The following PCDH11X variants were observed in gnomAD, a reference collection of about 807,000 sequenced individuals.
The protein encoded by PCDH11X is protocadherin 11 X-linked.
A neutral mutation model predicts 53.3 loss-of-function variants in PCDH11X; 18 were observed. The observed-to-expected ratio is 0.34, with a 90% CI of 0.23 to 0.50. The LOEUF is 0.50. Among genes scored for constraint, PCDH11X ranks in the 20% least tolerant of loss-of-function variants. PCDH11X has a pLI of 0.98. For missense variants in PCDH11X, 570 were observed against 1,032.4 expected, an observed-to-expected ratio of 0.55 and a Z score of 6.14; for synonymous variants, 279 against 393.3, an observed-to-expected ratio of 0.71 and a Z score of 3.44.
At chrX:91,989,334 G>A (rs1410264286) in intron 6 of PCDH11X, among the ~76,000 whole-genome samples, 4 of 111,197 alleles carry the variant, frequency 3.6e-5, no homozygotes, top group East Asian at 2.8e-4. Flanking sequence ...AGGCCGAGGC[G>A]GGCAGATCAC....
At chrX:92,371,096 C>A (rs1042336145) in intron 8 of PCDH11X, among the ~76,000 whole-genome samples, 14 of 111,523 alleles carry the variant, frequency 1.3e-4, no homozygotes, top group African/African-American at 4.6e-4. Flanking sequence ...TATTTGTGTT[C>A]TTACTTCTAA....
At chrX:92,360,020 C>A (rs977989980) in intron 8 of PCDH11X, among the ~76,000 whole-genome samples, 8 of 110,850 alleles carry the variant, frequency 7.2e-5, no homozygotes, top group Admixed American at 2.9e-4. Flanking sequence ...TTGTTAGCAT[C>A]CTTATTTTCT....
chrX:92,132,118 A>G (rs2064984194), intron 6 of PCDH11X, among the ~76,000 whole-genome samples: 1 of 82,250 alleles, frequency 1.2e-5, no homozygotes, highest in South Asian at 6.0e-4. Context: ...CTAAAAATAC[A>G]AAAAAAAAAA....
At chrX:92,214,699 T>A (rs1180368482) in intron 7 of PCDH11X, among the ~76,000 whole-genome samples, 1 of 111,038 alleles carries the variant, frequency 9.0e-6, no homozygotes, top group Admixed American at 9.6e-5. Flanking sequence ...TAGGTTTCCA[T>A]GGCCAAACTA....
intron 8 of PCDH11X, among the ~76,000 whole-genome samples, chrX:92,277,840 G>A (rs2068141739): frequency 9.0e-6 from 1 of 111,056 alleles, no homozygotes; most frequent in South Asian, 3.8e-4. Context: ...CCCCAGAAAA[G>A]CAGAGAAGAG....
chrX:92,556,043 G>C (rs2075040950), intron 10 of PCDH11X, among the ~76,000 whole-genome samples: 1 of 110,023 alleles, frequency 9.1e-6, no homozygotes, highest in Admixed American at 9.8e-5. Context: ...AAAACTATCA[G>C]ATCTTGTGAG....
chrX:92,396,717 C>A lies in PCDH11X; in HGVS notation c.3343+8784C>A, dbSNP rs367571137. Among the ~76,000 whole-genome samples the A allele has an allele frequency of 1.9e-4, 19 of 102,125 alleles. 1 individual carries two copies. The South Asian group carries it at 8.1e-3, about 44-fold the overall frequency. The allele number at this position is 102,125 out of a possible 115,157, so 88.7% of individuals were successfully genotyped here. The stretch of plus-strand genomic sequence containing the variant: ...AATTAGCTGGGCATGATGGTGGGTG[C>A]CTGTAATCCCAGCTACTTGGGAGGC... On this transcript the variant is annotated intron_variant, in intron 9 of 10. Transcript: ENST00000682573.
chrX:92,381,747 T>C (rs1355655761), intron 8 of PCDH11X, among the ~76,000 whole-genome samples: 3 of 111,756 alleles, frequency 2.7e-5, no homozygotes, highest in Non-Finnish European at 3.8e-5. Flanking sequence ...GTTGTGTAAC[T>C]ATGGCAAAGG....
rs769418591 is a variant in PCDH11X at position 91,801,598 on chromosome X, A to C, written c.-378-7868A>C. Among the ~76,000 whole-genome samples the C allele has an allele frequency of 8.7e-4, 98 of 112,542 alleles. 1 individual carries two copies. The highest frequency in any genetic ancestry group is 3.1e-3 in the African/African-American group (95 of 31,083). Reference sequence around the variant, plus strand: ...AACACTTTATACACAAAGTGAATTCATATAGATAAATTACATATTTTAAAA... The same window carrying C: ...AACACTTTATACACAAAGTGAATTCCTATAGATAAATTACATATTTTAAAA... On this transcript the variant is annotated intron_variant, in intron 1 of 10. Transcript: ENST00000682573.
intron 8 of PCDH11X, among the ~76,000 whole-genome samples, chrX:92,296,220 G>A (rs1167363712): frequency 2.6e-4 from 29 of 111,432 alleles, no homozygotes; most frequent in African/African-American, 9.2e-4. Flanking sequence ...TTTGTACATT[G>A]CTGAATTTGG....
intron 4 of PCDH11X, among the ~76,000 whole-genome samples, chrX:91,829,438 ACACACC>A (rs200793632): frequency 0.21 from 20,490 of 99,239 alleles, 1,674 homozygotes; most frequent in East Asian, 0.29. Flanking sequence ...ACACACACAC[ACACACC>A]CACAATTATA....
intron 5 of PCDH11X, among the ~76,000 whole-genome samples, chrX:91,853,817 T>G (rs2147666334): frequency 8.9e-6 from 1 of 111,834 alleles, no homozygotes; most frequent in East Asian, 2.8e-4. Context: ...CTCTTGAATT[T>G]TATAGTGTTT....
At chrX:91,830,427 C>G (rs1937067174) in intron 4 of PCDH11X, among the ~76,000 whole-genome samples, 1 of 111,310 alleles carries the variant, frequency 9.0e-6, no homozygotes, top group Non-Finnish European at 1.9e-5. Context: ...ATTTTGACAT[C>G]TCAAGTTTCA....
intron 6 of PCDH11X, among the ~76,000 whole-genome samples, chrX:92,004,876 C>T (rs761272305): frequency 1.1e-4 from 12 of 104,572 alleles, no homozygotes; most frequent in East Asian, 3.2e-4. Context: ...CCCAGGTTCA[C>T]GCCATTCTCC....
chrX:91,821,700 C>A (rs1370124272), intron 4 of PCDH11X, among the ~76,000 whole-genome samples: 1 of 103,473 alleles, frequency 9.7e-6, no homozygotes, highest in Non-Finnish European at 1.9e-5. Context: ...GCCAGAACTT[C>A]CAACACTATG....
intron 7 of PCDH11X, among the ~76,000 whole-genome samples, chrX:92,253,259 C>T (rs189845192): frequency 5.4e-5 from 6 of 111,193 alleles, no homozygotes; most frequent in East Asian, 5.7e-4. Flanking sequence ...TGTAGGTGTG[C>T]GGATTTGTTT....
chrX:92,223,992 T>A (rs1569429729), intron 7 of PCDH11X, among the ~76,000 whole-genome samples: 1 of 111,788 alleles, frequency 8.9e-6, no homozygotes, highest in Non-Finnish European at 1.9e-5. Context: ...ATATGTACCA[T>A]GAGGGATATT....
At chrX:92,393,260 T>C (rs1304347551) in intron 9 of PCDH11X, among the ~76,000 whole-genome samples, 3 of 111,169 alleles carry the variant, frequency 2.7e-5, no homozygotes, top group Non-Finnish European at 5.7e-5. Context: ...CTGTAGGCTA[T>C]GTATTTGTAA....
chrX:92,158,833 A>C (rs1056925701), intron 6 of PCDH11X, among the ~76,000 whole-genome samples: 2 of 110,604 alleles, frequency 1.8e-5, no homozygotes, highest in African/African-American at 6.6e-5. Context: ...ACAGGGTTTC[A>C]CCTTGTTGGC....
Sources: gnomAD v4.1 joint callset for allele counts (sites outside exome capture counted in the v4.1 genomes callset) on GRCh38, gnomAD v4.1.1 for gene constraint, MANE v1.5 for transcripts, NCBI Gene and HGNC (gene_info 2026-07-23, HGNC 2026-07-21) for gene names.